ITGA10: variants seen among roughly 807,000 people sequenced by gnomAD.
ITGA10 encodes integrin subunit alpha 10, also known as integrin alpha-10.
ITGA10 carries 105 observed loss-of-function variants against 145.2 expected under a neutral mutation model. The ratio of observed to expected loss-of-function variants is 0.72; its 90% CI spans 0.62 to 0.85. The LOEUF is 0.85. ITGA10 is among the 40% of genes least tolerant of loss of function. The probability of loss-of-function intolerance (pLI) is 0.00; values close to 1 mark genes in which losing one functional copy is unlikely to be tolerated. For synonymous variants in ITGA10, 506 were observed against 557.8 expected (o/e 0.91, Z 1.31); for missense variants, 1,317 against 1,444.5 (o/e 0.91, Z 1.43).
Position 145,901,573 on chromosome 1 carries a change from G to A in ITGA10, c.1386C>T (p.Ala462=). The A allele has an allele frequency of 6.2e-7, 1 of 1,607,712 alleles. No individual in the cohort carries two copies. Among genetic ancestry groups the A allele is most frequent in the South Asian group, 1.1e-5 (1 of 90,170 alleles). Residue 462 remains alanine, a synonymous_variant, in exon 12 of 30, where the codon GCC becomes GCT. Transcript: ENST00000369304. The surrounding 1 kb of genome is among the most constrained non-coding windows in gnomAD (Gnocchi z 4.3). ...PRFRHRGKVI[A]FQLKKDGAVR... is the part of the protein sequence containing the mutation. ...CAGCCCCATCTTTCTTAAGCTGGAAGGCGATGACTTTTCCTCGATGTCTAA... is the reference window on the plus strand; with the variant it reads ...CAGCCCCATCTTTCTTAAGCTGGAAAGCGATGACTTTTCCTCGATGTCTAA...
In ITGA10 at chr1:145,901,690, T is replaced by G. The variant is rs1553748673; in HGVS notation, c.1295-26A>C. On this transcript the variant is annotated intron_variant, in intron 11 of 29. Transcript: ENST00000369304. This position sits in a 1 kb window ranked among gnomAD's most constrained non-coding sequence, Gnocchi z 4.3. ...CTAGAAGTGGGCAAAGTAACAGAGG[T>G]AAAGGAAAAGAAGATGGGGTCCAGA... The G allele has an allele frequency of 6.5e-7, 1 of 1,537,566 alleles. No individual in the cohort carries two copies. The highest frequency in any genetic ancestry group is 2.3e-5 in the East Asian group (1 of 44,006).
intron 1 of ITGA10, among the ~76,000 whole-genome samples, chr1:145,909,338 G>C (rs1240898915): frequency 6.7e-6 from 1 of 150,312 alleles, no homozygotes; most frequent in African/African-American, 2.5e-5. Flanking sequence ...CGCGTACCTA[G>C]TAGTCCCAAC....
Position 145,896,841 on chromosome 1 carries a change from T to C in ITGA10, c.2762A>G (p.Asn921Ser). 1 of 1,613,896 alleles carries C rather than the reference T, an allele frequency of 6.2e-7. No individual in the cohort carries two copies. The highest frequency in any genetic ancestry group is 1.3e-5 in the African/African-American group (1 of 74,986). The change falls in exon 23 of 30, where the codon AAT (asparagine) becomes AGT (serine). Residue 921 changes from asparagine (N) to serine (S), a missense_variant. Physicochemically the swap from Asn to Ser is conservative, Grantham distance 46. Transcript: ENST00000369304. Reference sequence around the variant, plus strand: ...GGCTGTGTTATCTTGAAGGGTCCCATTTCTCTCCAGGCTGTCACTGTAGGG... The same window carrying C: ...GGCTGTGTTATCTTGAAGGGTCCCACTTCTCTCCAGGCTGTCACTGTAGGG... Reference protein sequence around the residue: ...LTASSDSLERNGTLQDNTAQT... With the variant: ...LTASSDSLERSGTLQDNTAQT...
rs1334850464 is a variant in ITGA10, at chr1:145,901,938, G to C, written c.1233C>G (p.Pro411=). 6 of 1,614,052 alleles carry C rather than the reference G, an allele frequency of 3.7e-6. No homozygotes were observed. Among genetic ancestry groups the C allele is most frequent in the Non-Finnish European group, 5.1e-6 (6 of 1,180,034 alleles). The change falls in exon 11 of 30, where the codon CCC becomes CCG. Residue 411 remains proline (P), a synonymous_variant. Coordinates refer to ENST00000369304, the MANE Select transcript of ITGA10 (RefSeq NM_003637.5). This position sits in a 1 kb window ranked among gnomAD's most constrained non-coding sequence, Gnocchi z 4.3. ...LWLEGGHRLF[P]PRMALEDEFP... ...ACTCGTCTTCCAGTGCCATTCGTGG[G>C]GGGAAAAGGCGGTGGCCTCCTTCAA...
Position 145,895,191 on chromosome 1 carries a change from C to T in ITGA10, c.3228+89G>A, listed in dbSNP as rs1239061317. The T allele has an allele frequency of 1.7e-5, 15 of 879,234 alleles. No homozygotes were observed. The Admixed American group carries it at 2.9e-4, about 17-fold the overall frequency. 54.5% of individuals were successfully genotyped at this position (879,234 alleles called of 1,614,324 possible). On this transcript the variant is annotated intron_variant, in intron 27 of 29. Coordinates refer to ENST00000369304, the MANE Select transcript of ITGA10 (RefSeq NM_003637.5). ...TAGCTAGTAAGAGGCAAAAGTGAAA[C>T]TTGAACGTGGGTCTGTCTACCTCCA...
In ITGA10 at chr1:145,901,551, C is replaced by T. The variant is rs1553748471; in HGVS notation, c.1408G>A (p.Ala470Thr). 1 of 1,602,744 alleles carries T rather than the reference C, an allele frequency of 6.2e-7. No homozygotes were observed. ...VIAFQLKKDG[A>T]VRVAQSLQGE... ...TGGAGGCTCTGGGCAACCCTCACAGCCCCATCTTTCTTAAGCTGGAAGGCG... is the reference window on the plus strand; with the variant it reads ...TGGAGGCTCTGGGCAACCCTCACAGTCCCATCTTTCTTAAGCTGGAAGGCG... The change falls in exon 12 of 30, where the codon GCT becomes ACT. Residue 470 changes from alanine (A) to threonine (T), a missense_variant. Coordinates refer to ENST00000369304, the MANE Select transcript of ITGA10 (RefSeq NM_003637.5). This position sits in a 1 kb window ranked among gnomAD's most constrained non-coding sequence, Gnocchi z 4.3.
Position 145,897,007 on chromosome 1 carries a change from T to C in ITGA10, c.2744+4A>G. 3.7e-6 allele frequency: 6 copies of C among 1,613,326 alleles called. No homozygotes were observed. Among genetic ancestry groups the C allele is most frequent in the Non-Finnish European group, 5.1e-6 (6 of 1,179,290 alleles). ...GTCTGGAAGAAAGTTCCCTTCATTC[T>C]CACCTGCTGGCAGTCAGCTTCACGA... On this transcript the variant is annotated splice_donor_region_variant and intron_variant, in intron 22 of 29. Coordinates refer to ENST00000369304, the MANE Select transcript of ITGA10 (RefSeq NM_003637.5).
At position 145,896,009 on chromosome 1, in the gene ITGA10, A is replaced by T. The variant is rs1476460959; in HGVS notation, c.3007T>A (p.Ser1003Thr). 11 of 1,613,666 alleles carry T rather than the reference A, an allele frequency of 6.8e-6. No individual in the cohort carries two copies. The African/African-American group carries it at 1.2e-4, about 18-fold the overall frequency. The change falls in exon 25 of 30, where the codon TCA becomes ACA. Residue 1003 changes from serine (S) to threonine (T), a missense_variant. Physicochemically the swap from Ser to Thr is moderately conservative, Grantham distance 58 (BLOSUM62 1). Coordinates refer to ENST00000369304, the MANE Select transcript of ITGA10 (RefSeq NM_003637.5). ...AVAHGGNYFL[S>T]LSQVITNNAS... ...TTGTTAGTGATGACTTGAGACAGTG[A>T]TAGGAAGTAATTGCCCCCATGGGCC... is the stretch of plus-strand genomic sequence containing the variant.
chr1:145,901,426 A>G lies in ITGA10; in HGVS notation c.1443+90T>C. On this transcript the variant is annotated intron_variant, in intron 12 of 29. Coordinates refer to ENST00000369304, the MANE Select transcript of ITGA10 (RefSeq NM_003637.5). The surrounding 1 kb of genome is among the most constrained non-coding windows in gnomAD (Gnocchi z 4.3). ...AACCAGAATTCCGCACAGACTTTGG[A>G]GGCCTCTCTCTTACCCACTTCACAC... 1.3e-6 allele frequency: 2 copies of G among 1,483,636 alleles called. No homozygotes were observed. Among genetic ancestry groups the G allele is most frequent in the Non-Finnish European group, 1.8e-6 (2 of 1,103,184 alleles). The allele number at this position is 1,483,636 out of a possible 1,614,324, so 91.9% of individuals were successfully genotyped here.
intron 21 of ITGA10, 78 bp from the exon 22 acceptor site, chr1:145,897,165 C>T: frequency 1.3e-6 from 2 of 1,563,776 alleles, no homozygotes; most frequent in Non-Finnish European, 1.8e-6. Context: ...CCTTGTGCGC[C>T]CCCTTCCCTG....
chr1:145,899,089 G>A lies in ITGA10; in HGVS notation c.2090-11C>T. 1 of 1,614,264 alleles carries A rather than the reference G, an allele frequency of 6.2e-7. No homozygotes were observed. Among genetic ancestry groups the A allele is most frequent in the Non-Finnish European group, 8.5e-7 (1 of 1,180,050 alleles). ...CGGTGAACCTCATGTCTGAATGAAG[G>A]AGGCAAGAGTGAGGGTGGAAAGGGG... On this transcript the variant is annotated splice_polypyrimidine_tract_variant and intron_variant, in intron 16 of 29. Coordinates refer to ENST00000369304, the MANE Select transcript of ITGA10 (RefSeq NM_003637.5).
In ITGA10 at chr1:145,897,009, A is replaced by C; in HGVS notation, c.2744+2T>G. The C allele has an allele frequency of 1.2e-6, 2 of 1,613,262 alleles. No homozygotes were observed. Among genetic ancestry groups the C allele is most frequent in the East Asian group, 2.2e-5 (1 of 44,872 alleles). ...CTGGAAGAAAGTTCCCTTCATTCTC[A>C]CCTGCTGGCAGTCAGCTTCACGAAG... is the stretch of plus-strand genomic sequence containing the variant. On this transcript the variant is annotated splice_donor_variant, in intron 22 of 29. Transcript: ENST00000369304. LOFTEE classifies it high-confidence loss of function.
In ITGA10 at chr1:145,904,708, C is replaced by T; in HGVS notation, c.585G>A (p.Leu195=). ...QTFLRRLVGK[L]FIDPEQIQVG... ...CCTGTATCTGTTCTGGGTCAATAAA[C>T]AGTTTCCCTACCAGTCTTCGTAGGA... The change falls in exon 6 of 30, where the codon CTG becomes CTA. Residue 195 remains leucine, a synonymous_variant. Transcript: ENST00000369304. The T allele has an allele frequency of 6.2e-7, 1 of 1,613,996 alleles. No individual in the cohort carries two copies. The highest frequency in any genetic ancestry group is 1.1e-5 in the South Asian group (1 of 91,080).
At chr1:145,904,275 G>A (rs1656799788) in intron 6 of ITGA10, 75 bp from the exon 7 acceptor site, 2 of 1,428,758 alleles carry the variant, frequency 1.4e-6, no homozygotes, top group East Asian at 2.3e-5. Flanking sequence ...AAGTATATAA[G>A]AGAGGAGAGA....
chr1:145,903,844 C>T (rs1028691270), intron 7 of ITGA10, among the ~76,000 whole-genome samples: 4 of 152,038 alleles, frequency 2.6e-5, no homozygotes, highest in Non-Finnish European at 5.9e-5. Flanking sequence ...CATGCGCCAC[C>T]ATGCCTGGCT....
At position 145,901,133 on chromosome 1, in the gene ITGA10, A is replaced by G; in HGVS notation, c.1587+2T>C. On this transcript the variant is annotated splice_donor_variant, in intron 13 of 29. Transcript: ENST00000369304. LOFTEE classifies it high-confidence loss of function. The surrounding 1 kb of genome is among the most constrained non-coding windows in gnomAD (Gnocchi z 4.3). Reference sequence around the variant, plus strand: ...AGGGCAGGGGGTCCCAGCAAGTCTCACCTGGCCTACCAGATACACATAAAC... The same window carrying G: ...AGGGCAGGGGGTCCCAGCAAGTCTCGCCTGGCCTACCAGATACACATAAAC... 1 of 1,613,846 alleles carries G rather than the reference A, an allele frequency of 6.2e-7. No homozygotes were observed. Among genetic ancestry groups the G allele is most frequent in the Non-Finnish European group, 8.5e-7 (1 of 1,179,932 alleles).
chr1:145,900,382 C>G (rs1421328955), intron 14 of ITGA10, among the ~76,000 whole-genome samples, 195 bp from the exon 15 acceptor site: 2 of 152,084 alleles, frequency 1.3e-5, no homozygotes, highest in African/African-American at 4.8e-5. Context: ...ATTCTCCTGC[C>G]CTAGCCTCCT....
rs587773738 is a variant in ITGA10, at chr1:145,902,505, C to T, written c.1024G>A (p.Ala342Thr). The part of the protein sequence containing the change: ...RFFFNVTDEA[A>T]LTDIVDALGD... ...AGTGCATCCACAATGTCAGTCAGAGCAGCCTCATCTGTGACATTGAAGAAG... is the reference window on the plus strand; with the variant it reads ...AGTGCATCCACAATGTCAGTCAGAGTAGCCTCATCTGTGACATTGAAGAAG... Residue 342 changes from alanine (A) to threonine (T), a missense_variant, in exon 9 of 30, where the codon GCT becomes ACT. Transcript: ENST00000369304. The T allele has an allele frequency of 1.2e-6, 2 of 1,613,702 alleles. No homozygotes were observed. The highest frequency in any genetic ancestry group is 2.2e-5 in the South Asian group (2 of 91,018).
In ITGA10 at chr1:145,897,262, G is replaced by C. The variant is rs1278421765; in HGVS notation, c.2652C>G (p.Phe884Leu). 20 of 1,613,894 alleles carry C rather than the reference G, an allele frequency of 1.2e-5. No homozygotes were observed. The highest frequency in any genetic ancestry group is 4.5e-5 in the East Asian group (2 of 44,878). The change falls in exon 21 of 30, where the codon TTC becomes TTG. Residue 884 changes from phenylalanine to leucine, a missense_variant. Phe to Leu is a conservative substitution (Grantham distance 22, BLOSUM62 0). Coordinates refer to ENST00000369304, the MANE Select transcript of ITGA10 (RefSeq NM_003637.5). Reference sequence around the variant, plus strand: ...CCCAACCCACCTTGGCTCCAGTCTGGAAGACAGGATGCCCCACACTGCAGA... The same window carrying C: ...CCCAACCCACCTTGGCTCCAGTCTGCAAGACAGGATGCCCCACACTGCAGA... ...ARLCSVGHPV[F>L]QTGAKVTFLL...
Sources: allele counts gnomAD v4.1 joint callset (sites outside exome capture counted in the v4.1 genomes callset), GRCh38; gene constraint gnomAD v4.1.1; non-coding constraint Gnocchi (gnomAD v3.1); transcripts MANE v1.5; gene names NCBI Gene and HGNC (gene_info 2026-07-23, HGNC 2026-07-21).